The following KHDRBS2 variants were observed in gnomAD, a reference collection of about 807,000 sequenced individuals.
The protein encoded by KHDRBS2 is KH RNA binding domain containing, signal transduction associated 2.
KHDRBS2 carries 26 observed loss-of-function variants against 44.3 expected under a neutral mutation model. That is an observed-to-expected ratio of 0.59 (90% CI 0.43 to 0.81). The LOEUF (loss-of-function observed/expected upper bound fraction) is 0.81, where lower values mean the gene tolerates loss of function less well. Ranked by LOEUF, KHDRBS2 falls within the 40% of genes least tolerant of loss-of-function variation. The pLI, the probability that KHDRBS2 is intolerant of heterozygous loss-of-function variation, is 0.00. For synonymous variants in KHDRBS2, 194 were observed against 151.1 expected (o/e 1.28, Z -2.08); for missense variants, 476 against 433.1 (o/e 1.10, Z -0.88).
At chr6:62,155,925 C>T (rs1816270856) in intron 2 of KHDRBS2, among the ~76,000 whole-genome samples, 1 of 151,988 alleles carries the variant, frequency 6.6e-6, no homozygotes, top group Non-Finnish European at 1.5e-5. Context: ...GGGAAAAATC[C>T]CATCATAATT....
intron 6 of KHDRBS2, among the ~76,000 whole-genome samples, chr6:61,883,895 A>G (rs1434368109): frequency 6.6e-6 from 1 of 152,028 alleles, no homozygotes; most frequent in South Asian, 2.1e-4. Flanking sequence ...GAATACAAAT[A>G]TCCAGTCTAA....
At chr6:62,218,770 A>G (rs1377142366) in intron 1 of KHDRBS2, among the ~76,000 whole-genome samples, 1 of 151,930 alleles carries the variant, frequency 6.6e-6, no homozygotes, top group African/African-American at 2.4e-5. Context: ...AATCAACTTA[A>G]GTATCCATCA....
At chr6:61,620,098 C>T in the KHDRBS2 span, among the ~76,000 whole-genome samples, 3 of 151,970 alleles carry the variant, frequency 2.0e-5, no homozygotes, top group South Asian at 2.1e-4. Flanking sequence ...CAAAACTCCA[C>T]GTGTAGTTTT....
the KHDRBS2 span, among the ~76,000 whole-genome samples, chr6:61,658,949 C>G: frequency 6.6e-5 from 10 of 151,826 alleles, no homozygotes. Flanking sequence ...ACTATTATAT[C>G]TGTTTTTATA....
intron 6 of KHDRBS2, among the ~76,000 whole-genome samples, chr6:61,844,476 C>T (rs1794071376): frequency 6.6e-6 from 1 of 152,118 alleles, no homozygotes; most frequent in African/African-American, 2.4e-5. Flanking sequence ...CCCATTCCCA[C>T]ACATTCTTAT....
At chr6:61,792,700 C>A (rs1437076447) in intron 6 of KHDRBS2, among the ~76,000 whole-genome samples, 1 of 151,820 alleles carries the variant, frequency 6.6e-6, no homozygotes, top group Non-Finnish European at 1.5e-5. Context: ...TTTCAAGCCC[C>A]TCTTCTTCAA....
chr6:61,927,218 A>C (rs2127363715), intron 4 of KHDRBS2, among the ~76,000 whole-genome samples: 1 of 152,266 alleles, frequency 6.6e-6, no homozygotes, highest in South Asian at 2.1e-4. Flanking sequence ...TAGGAGAATA[A>C]ATGATAATAA....
At chr6:62,244,375 G>A (rs1835208325) in intron 1 of KHDRBS2, among the ~76,000 whole-genome samples, 1 of 151,910 alleles carries the variant, frequency 6.6e-6, no homozygotes, top group Non-Finnish European at 1.5e-5. Context: ...TTTTTAAAAA[G>A]GATTTAAAGG....
chr6:61,837,412 C>T (rs1325600424), intron 6 of KHDRBS2, among the ~76,000 whole-genome samples: 2 of 151,876 alleles, frequency 1.3e-5, no homozygotes, highest in Non-Finnish European at 2.9e-5. Flanking sequence ...TATTGTTTTA[C>T]TGGAGGAGAG....
chr6:61,544,514 GT>G, the KHDRBS2 span, among the ~76,000 whole-genome samples: 1 of 152,118 alleles, frequency 6.6e-6, no homozygotes, highest in Non-Finnish European at 1.5e-5. Context: ...GCAATCTTTT[GT>G]TTAAAATGCT....
intron 6 of KHDRBS2, among the ~76,000 whole-genome samples, chr6:61,737,485 C>T (rs1582505427): frequency 2.0e-5 from 3 of 152,004 alleles, no homozygotes; most frequent in East Asian, 1.9e-4. Context: ...ATTAGACAAC[C>T]GTCACAAAAT....
chr6:62,202,210 G>A (rs1379688065), intron 1 of KHDRBS2, among the ~76,000 whole-genome samples: 1 of 152,050 alleles, frequency 6.6e-6, no homozygotes, highest in Non-Finnish European at 1.5e-5. Flanking sequence ...TGTGTAATCA[G>A]TAAATAAGAA....
intron 4 of KHDRBS2, among the ~76,000 whole-genome samples, chr6:61,912,930 C>G (rs868324692): frequency 2.6e-5 from 4 of 152,234 alleles, no homozygotes; most frequent in Middle Eastern, 6.8e-3. Context: ...AGAGCAACCA[C>G]AACGCCTGCT....
chr6:61,751,232 T>C (rs1450327948), intron 6 of KHDRBS2, among the ~76,000 whole-genome samples: 2 of 152,196 alleles, frequency 1.3e-5, no homozygotes, highest in East Asian at 1.9e-4. Flanking sequence ...TTTTCAAAAT[T>C]TATACACAGT....
At position 62,241,811 on chromosome 6, in the gene KHDRBS2, A is replaced by G. The variant is rs1345504936; in HGVS notation, c.91+44047T>C. Among the ~76,000 whole-genome samples, 8 of 149,240 alleles carry G rather than the reference A, an allele frequency of 5.4e-5. No homozygotes were observed. In the East Asian group the frequency reaches 1.5e-3, roughly 29 times the overall value. ...TCCAGGATTCAAGATTTGTGAGCCAAGTACAGTAGAAGGGCAAATAGGTAT... is the reference window on the plus strand; with the variant it reads ...TCCAGGATTCAAGATTTGTGAGCCAGGTACAGTAGAAGGGCAAATAGGTAT... On this transcript the variant is annotated intron_variant, in intron 1 of 8. Coordinates refer to ENST00000281156, the MANE Select transcript of KHDRBS2 (RefSeq NM_152688.4).
At chr6:62,117,123 T>G (rs576280564) in intron 2 of KHDRBS2, among the ~76,000 whole-genome samples, 1 of 152,322 alleles carries the variant, frequency 6.6e-6, no homozygotes, top group African/African-American at 2.4e-5. Context: ...AGTGGTGAGA[T>G]TTCTAGATCA....
At chr6:62,169,110 T>TATGTGTGTATATATACATATACACAC (rs1562991331) in intron 2 of KHDRBS2, among the ~76,000 whole-genome samples, 5 of 142,100 alleles carry the variant, frequency 3.5e-5, no homozygotes, top group Non-Finnish European at 7.7e-5. Context: ...TATATACACA[T>TATGTGTGTATATATACATATACACAC]ATATGTGTGT....
At chr6:61,578,728 T>C in the KHDRBS2 span, among the ~76,000 whole-genome samples, 3 of 152,302 alleles carry the variant, frequency 2.0e-5, no homozygotes, top group Admixed American at 2.0e-4. Flanking sequence ...AAAGCGATTA[T>C]AGTCGGATGC....
At chr6:61,598,847 T>C in the KHDRBS2 span, among the ~76,000 whole-genome samples, 4 of 148,536 alleles carry the variant, frequency 2.7e-5, no homozygotes, top group Admixed American at 6.7e-5. Context: ...CTTTTTTTTT[T>C]TTTTTTTTTT....
Sources: allele counts gnomAD v4.1 joint callset (sites outside exome capture counted in the v4.1 genomes callset), GRCh38; gene constraint gnomAD v4.1.1; transcripts MANE v1.5; gene names NCBI Gene and HGNC (gene_info 2026-07-23, HGNC 2026-07-21).